The following TRMT1L variants were observed in gnomAD, a reference collection of about 807,000 sequenced individuals.
TRMT1L encodes tRNA (guanine(27)-N(2))-dimethyltransferase.
TRMT1L carries 28 observed loss-of-function variants against 81.6 expected under a neutral mutation model. That is an observed-to-expected ratio of 0.34 (90% confidence interval 0.25 to 0.47). The LOEUF (loss-of-function observed/expected upper bound fraction) is 0.47, where lower values mean the gene tolerates loss of function less well. Ranked by LOEUF, TRMT1L falls within the 20% of genes least tolerant of loss-of-function variation. The pLI, the probability that TRMT1L is intolerant of heterozygous loss-of-function variation, is 1.00. For missense variants in TRMT1L, 739 were observed against 877.1 expected (o/e 0.84, Z 1.99); for synonymous variants, 301 against 303.2 (o/e 0.99, Z 0.07).
At chr1:185,126,134 C>A (rs1652622854) in intron 11 of TRMT1L, among the ~76,000 whole-genome samples, 1 of 151,998 alleles carries the variant, frequency 6.6e-6, no homozygotes, top group Non-Finnish European at 1.5e-5. Flanking sequence ...TCTCACTATG[C>A]TGCCCAGGCT....
In TRMT1L at chr1:185,144,068, A is replaced by G. The variant is rs200147366; in HGVS notation, c.656-39T>C. 793 of 1,538,478 alleles carry G rather than the reference A, an allele frequency of 5.2e-4. 1 individual carries two copies. Among genetic ancestry groups the G allele is most frequent in the Admixed American group, 7.6e-4 (36 of 47,416 alleles). On this transcript the variant is annotated intron_variant, in intron 5 of 14. Transcript: ENST00000367506. The stretch of plus-strand genomic sequence containing the variant: ...AAGAAAAGATTTCCAGGGAAACACA[A>G]AATAATTCTAAACAAAAGATTTCCA...
chr1:185,127,844 T>G (rs766114945), intron 11 of TRMT1L, among the ~76,000 whole-genome samples: 12 of 150,942 alleles, frequency 8.0e-5, no homozygotes, highest in Non-Finnish European at 1.6e-4. Context: ...CCAGGCGCAG[T>G]GGCTCACACC....
intron 9 of TRMT1L, among the ~76,000 whole-genome samples, chr1:185,138,875 C>T (rs1652965504): frequency 6.6e-6 from 1 of 152,186 alleles, no homozygotes; most frequent in African/African-American, 2.4e-5. Context: ...CAGCATGTGG[C>T]TCCTGGGTTC....
At chr1:185,146,252 T>C (rs146741213) in intron 4 of TRMT1L, among the ~76,000 whole-genome samples, 14 of 152,152 alleles carry the variant, frequency 9.2e-5, no homozygotes, top group African/African-American at 1.4e-4. Context: ...TTCTGGAAAT[T>C]TGAGCCAGCT....
At chr1:185,131,622 G>A (rs1052131675) in intron 10 of TRMT1L, among the ~76,000 whole-genome samples, 1 of 151,792 alleles carries the variant, frequency 6.6e-6, no homozygotes, top group Admixed American at 6.6e-5. Flanking sequence ...GAAAAAATAT[G>A]AAATAACTCT....
Position 185,143,957 on chromosome 1 carries a change from G to C in TRMT1L, c.728C>G (p.Ser243Cys), listed in dbSNP as rs761836309. ...ATAGGAATCTGTTTTCTGAGGTATA[G>C]AATAGTTGGGACAAACTTGTACATC... ...DTDVQVCPNYSIPQKTDSYFN... is the reference protein window; with the variant it reads ...DTDVQVCPNYCIPQKTDSYFN... Residue 243 changes from serine (S) to cysteine (C), a missense_variant, in exon 6 of 15, where the codon TCT becomes TGT. Physicochemically the swap from Ser to Cys is moderately radical, Grantham distance 112 (BLOSUM62 -1). This residue lies in a region of TRMT1L where 331 missense variants were observed against 462.2 expected (regional missense o/e 0.72). Coordinates refer to ENST00000367506, the MANE Select transcript of TRMT1L (RefSeq NM_030934.5). 3 of 1,610,486 alleles carry C rather than the reference G, an allele frequency of 1.9e-6. No individual in the cohort carries two copies. Among genetic ancestry groups the C allele is most frequent in the South Asian group, 1.1e-5 (1 of 90,780 alleles).
chr1:185,143,215 T>A, intron 7 of TRMT1L, 142 bp downstream of exon 7: 1 of 617,720 alleles, frequency 1.6e-6, no homozygotes, highest in Non-Finnish European at 2.7e-6. Flanking sequence ...AATATACATT[T>A]AAAATTTTTC....
Position 185,150,442 on chromosome 1 carries a change from T to G in TRMT1L, c.397A>C (p.Asn133His). The G allele has an allele frequency of 1.9e-6, 3 of 1,613,792 alleles. No homozygotes were observed. The highest frequency in any genetic ancestry group is 2.5e-6 in the Non-Finnish European group (3 of 1,179,870). Residue 133 changes from asparagine (N) to histidine (H), a missense_variant, in exon 3 of 15, where the codon AAT (asparagine) becomes CAT (histidine). Asn to His is a moderately conservative substitution (Grantham distance 68, BLOSUM62 1). Coordinates refer to ENST00000367506, the MANE Select transcript of TRMT1L (RefSeq NM_030934.5). ...LCPKEKFRAC[N>H]SHKLRRHLQN... is the part of the protein sequence containing the mutation. ...AGGTGACGACGAAGCTTATGGCTAT[T>G]ACAAGCTCTGAATTTTTCCTTAGGG...
In TRMT1L at chr1:185,151,867, A is replaced by C. The variant is rs1226561309; in HGVS notation, c.304T>G (p.Phe102Val). 1.2e-6 allele frequency: 2 copies of C among 1,605,122 alleles called. No individual in the cohort carries two copies. Among genetic ancestry groups the C allele is most frequent in the Admixed American group, 1.7e-5 (1 of 58,570 alleles). Residue 102 changes from phenylalanine to valine, a missense_variant, in exon 2 of 15, where the codon TTT (phenylalanine) becomes GTT (valine). Around this residue, in one of 4 missense-constraint regions of TRMT1L, gnomAD observed 209 missense variants for 165.4 expected, o/e 1.26. Coordinates refer to ENST00000367506, the MANE Select transcript of TRMT1L (RefSeq NM_030934.5). ...ENLAFVTDGN[F>V]DSASSLNSDN... ...GAGTTCAATGAGCTGGCAGAGTCAA[A>C]ATTTCCATCAGTTACAAAAGCTAAA...
At chr1:185,148,846 T>C (rs1291384970) in intron 3 of TRMT1L, among the ~76,000 whole-genome samples, 1 of 152,214 alleles carries the variant, frequency 6.6e-6, no homozygotes, top group Non-Finnish European at 1.5e-5. Flanking sequence ...AATGATAATC[T>C]TTTTAGTAGT....
At chr1:185,149,449 C>T (rs1653281961) in intron 3 of TRMT1L, among the ~76,000 whole-genome samples, 1 of 151,962 alleles carries the variant, frequency 6.6e-6, no homozygotes, top group Non-Finnish European at 1.5e-5. Flanking sequence ...ACTACAGGCA[C>T]AGGCCACCTC....
chr1:185,122,875 G>A (rs2102227557), intron 13 of TRMT1L, among the ~76,000 whole-genome samples: 1 of 151,944 alleles, frequency 6.6e-6, no homozygotes, highest in African/African-American at 2.4e-5. Context: ...CGTAGAGACG[G>A]GGTTTCACCA....
intron 11 of TRMT1L, among the ~76,000 whole-genome samples, chr1:185,127,009 T>TA (rs1383185664): frequency 2.0e-5 from 3 of 152,020 alleles, no homozygotes; most frequent in African/African-American, 7.2e-5. Flanking sequence ...AAATAAAAAA[T>TA]AAAAAAAGAA....
chr1:185,124,535 A>G (rs568596709), intron 12 of TRMT1L, among the ~76,000 whole-genome samples: 12 of 152,070 alleles, frequency 7.9e-5, no homozygotes, highest in Admixed American at 3.3e-4. Flanking sequence ...CCATCTCTAA[A>G]AAATATTAGC....
chr1:185,134,734 T>C (rs1191980038), intron 10 of TRMT1L, among the ~76,000 whole-genome samples: 1 of 152,238 alleles, frequency 6.6e-6, no homozygotes, highest in East Asian at 1.9e-4. Context: ...CCTCTTTAAG[T>C]ATACAGGCTA....
At chr1:185,155,525 C>T (rs1218200684) in intron 1 of TRMT1L, among the ~76,000 whole-genome samples, 2 of 152,168 alleles carry the variant, frequency 1.3e-5, no homozygotes, top group African/African-American at 2.4e-5. Flanking sequence ...ATAATCCTAT[C>T]TATAACTATC....
intron 3 of TRMT1L, 107 bp from the exon 4 acceptor site, chr1:185,147,353 G>T (rs1479981067): frequency 1.3e-6 from 1 of 779,206 alleles, no homozygotes; most frequent in Non-Finnish European, 2.1e-6. Flanking sequence ...CCTTACATTT[G>T]TAATGTCATA....
chr1:185,136,805 T>A (rs1652910889), intron 10 of TRMT1L, among the ~76,000 whole-genome samples: 1 of 151,982 alleles, frequency 6.6e-6, no homozygotes, highest in Non-Finnish European at 1.5e-5. Context: ...AGAAGCAAAC[T>A]CAAATACATG....
chr1:185,132,518 CA>C (rs919045927), intron 10 of TRMT1L, among the ~76,000 whole-genome samples: 16 of 131,906 alleles, frequency 1.2e-4, no homozygotes, highest in Non-Finnish European at 1.6e-4. Context: ...TACTCCACCT[CA>C]AAAAAAAAAT....
Sources: allele counts gnomAD v4.1 joint callset (sites outside exome capture counted in the v4.1 genomes callset), GRCh38; gene constraint gnomAD v4.1.1; regional missense constraint gnomAD v4.1.1; transcripts MANE v1.5; gene names NCBI Gene and HGNC (gene_info 2026-07-23, HGNC 2026-07-21).